The following CSMD3 variants were observed in gnomAD, a reference collection of about 807,000 sequenced individuals.
CSMD3 encodes CUB and sushi domain-containing protein 3.
Under a neutral mutation model 435.2 loss-of-function variants are expected in CSMD3, and 177 were observed. The ratio of observed to expected loss-of-function variants is 0.41; its 90% CI spans 0.36 to 0.46. CSMD3 has a LOEUF of 0.46. Ranked by LOEUF, CSMD3 falls within the 20% of genes least tolerant of loss-of-function variation. The pLI, the probability that CSMD3 is intolerant of heterozygous loss-of-function variation, is 0.34. For missense variants in CSMD3, 4,265 were observed against 4,504.6 expected (o/e 0.95, Z 1.52); for synonymous variants, 1,656 against 1,520.5 (o/e 1.09, Z -2.07).
intron 1 of CSMD3, among the ~76,000 whole-genome samples, chr8:113,348,405 G>A (rs911174106): frequency 6.6e-6 from 1 of 152,106 alleles, no homozygotes; most frequent in African/African-American, 2.4e-5. Flanking sequence ...ACCTGGTGAT[G>A]AACTCATGTC....
At chr8:113,418,415 TG>T (rs2094592633) in intron 1 of CSMD3, among the ~76,000 whole-genome samples, 1 of 152,142 alleles carries the variant, frequency 6.6e-6, no homozygotes, top group African/African-American at 2.4e-5. Flanking sequence ...CCGTGATTTT[TG>T]CAGCGTGGCA....
At chr8:112,833,088 A>G (rs1465300832) in intron 11 of CSMD3, among the ~76,000 whole-genome samples, 1 of 152,102 alleles carries the variant, frequency 6.6e-6, no homozygotes, top group Non-Finnish European at 1.5e-5. Context: ...TGTACCTTAT[A>G]AGTCAGATAC....
At chr8:113,044,699 T>C (rs2087759204) in intron 5 of CSMD3, among the ~76,000 whole-genome samples, 1 of 149,114 alleles carries the variant, frequency 6.7e-6, no homozygotes, top group South Asian at 2.1e-4. Context: ...GTGGCCCACA[T>C]GTTACCAAAG....
At chr8:113,004,439 A>C (rs894597184) in intron 6 of CSMD3, among the ~76,000 whole-genome samples, 3 of 152,026 alleles carry the variant, frequency 2.0e-5, no homozygotes, top group African/African-American at 7.2e-5. Flanking sequence ...TTCAACATCC[A>C]AAGAAAATAT....
intron 1 of CSMD3, among the ~76,000 whole-genome samples, chr8:113,393,782 C>T (rs1470967977): frequency 6.6e-6 from 1 of 152,006 alleles, no homozygotes; most frequent in Non-Finnish European, 1.5e-5. Context: ...TGGTTGGAGA[C>T]TCTTCATGGT....
intron 47 of CSMD3, among the ~76,000 whole-genome samples, chr8:112,317,016 C>T (rs1429274545): frequency 6.6e-6 from 1 of 151,920 alleles, no homozygotes; most frequent in African/African-American, 2.4e-5. Flanking sequence ...GTGTAATAAA[C>T]TCAATTAAAC....
chr8:113,081,921 G>A (rs111665264), intron 5 of CSMD3, among the ~76,000 whole-genome samples: 15 of 152,204 alleles, frequency 9.9e-5, no homozygotes, highest in African/African-American at 2.2e-4. Context: ...CCACGTACCC[G>A]GACCTGCAGC....
chr8:112,611,215 C>A (rs1436180627), intron 22 of CSMD3, among the ~76,000 whole-genome samples: 1 of 152,276 alleles, frequency 6.6e-6, no homozygotes, highest in South Asian at 2.1e-4. Flanking sequence ...GACTTTACAT[C>A]TGTGAATACA....
intron 6 of CSMD3, among the ~76,000 whole-genome samples, chr8:112,984,614 T>C (rs1038561563): frequency 3.3e-5 from 5 of 152,122 alleles, no homozygotes; most frequent in Admixed American, 1.3e-4. Context: ...GAGAGACAGA[T>C]AAGTCTGTTG....
intron 5 of CSMD3, among the ~76,000 whole-genome samples, chr8:113,064,790 T>C (rs1372185841): frequency 6.6e-6 from 1 of 152,186 alleles, no homozygotes; most frequent in African/African-American, 2.4e-5. Context: ...TCTTTTCTTT[T>C]ATTTATTTTG....
intron 5 of CSMD3, among the ~76,000 whole-genome samples, chr8:113,019,493 AT>A (rs2086600752): frequency 6.7e-6 from 1 of 150,024 alleles, no homozygotes; most frequent in African/African-American, 2.4e-5. Flanking sequence ...TTTTATTAGT[AT>A]TATATAGTTT....
At chr8:112,875,438 G>A (rs1229763772) in intron 10 of CSMD3, among the ~76,000 whole-genome samples, 1 of 152,070 alleles carries the variant, frequency 6.6e-6, no homozygotes, top group African/African-American at 2.4e-5. Context: ...GGTGGTCTTT[G>A]TATTTCCTGT....
chr8:112,649,722 C>T (rs771244740), intron 19 of CSMD3, among the ~76,000 whole-genome samples: 1 of 152,124 alleles, frequency 6.6e-6, no homozygotes, highest in Non-Finnish European at 1.5e-5. Context: ...GAGTAAACTA[C>T]CATAGTGCTG....
In CSMD3 at chr8:112,223,730, A is replaced by C. The variant is rs1312096030; in HGVS notation, c.*1041T>G. 3.3e-5 allele frequency: 5 copies of C among 152,172 alleles called. No homozygotes were observed. The highest frequency in any genetic ancestry group is 1.2e-4 in the African/African-American group (5 of 41,454). The allele number at this position is 152,172 out of a possible 1,614,324, so 9.4% of individuals were successfully genotyped here. Reference sequence around the variant, plus strand: ...AGTGGCTAGACCAAAATATTTTTCTAATCCATTGTTAAATGAAAATTAAAA... The same window carrying C: ...AGTGGCTAGACCAAAATATTTTTCTCATCCATTGTTAAATGAAAATTAAAA... On this transcript the variant is annotated 3_prime_UTR_variant, in exon 71 of 71. Transcript: ENST00000297405.
chr8:112,791,252 T>C (rs1443143705), intron 13 of CSMD3, among the ~76,000 whole-genome samples: 2 of 147,766 alleles, frequency 1.4e-5, no homozygotes, highest in African/African-American at 5.0e-5. Context: ...GAGGATCACT[T>C]GAGAGAGTGC....
chr8:112,624,265 G>C (rs1482252216), intron 22 of CSMD3, among the ~76,000 whole-genome samples: 4 of 151,956 alleles, frequency 2.6e-5, no homozygotes, highest in Admixed American at 6.6e-5. Context: ...AAATATTATA[G>C]AAATCGATAT....
chr8:112,678,142 G>A (rs946003378), intron 16 of CSMD3, among the ~76,000 whole-genome samples: 2 of 152,040 alleles, frequency 1.3e-5, no homozygotes, highest in East Asian at 1.9e-4. Context: ...TTACTTCCTT[G>A]CTCCTGTTAA....
chr8:112,755,209 C>T (rs1435393443), intron 13 of CSMD3, among the ~76,000 whole-genome samples: 3 of 151,736 alleles, frequency 2.0e-5, no homozygotes, highest in Non-Finnish European at 4.4e-5. Context: ...CGGGCACCTG[C>T]AGTCCCAGCT....
intron 6 of CSMD3, among the ~76,000 whole-genome samples, chr8:112,999,845 G>C (rs942487684): frequency 6.6e-6 from 1 of 151,988 alleles, no homozygotes; most frequent in Non-Finnish European, 1.5e-5. Flanking sequence ...GTCATTTGCT[G>C]ATATGAGAAA....
Sources: gnomAD v4.1 joint callset for allele counts (sites outside exome capture counted in the v4.1 genomes callset) on GRCh38, gnomAD v4.1.1 for gene constraint, MANE v1.5 for transcripts, NCBI Gene and HGNC (gene_info 2026-07-23, HGNC 2026-07-21) for gene names.